CEP72: variants seen among roughly 807,000 people sequenced by gnomAD.
CEP72 encodes centrosomal protein of 72 kDa.
Under a neutral mutation model 65.7 loss-of-function variants are expected in CEP72, and 78 were observed. That is an observed-to-expected ratio of 1.19 (90% confidence interval 0.99 to 1.43). The LOEUF (loss-of-function observed/expected upper bound fraction) is 1.43, where lower values mean the gene tolerates loss of function less well. CEP72 is among the 40% of genes most tolerant of loss of function. The probability of loss-of-function intolerance (pLI) is 0.00; values close to 1 mark genes in which losing one functional copy is unlikely to be tolerated. For missense variants in CEP72, 914 were observed against 832.9 expected (o/e 1.10, Z -1.20); for synonymous variants, 358 against 351.7 (o/e 1.02, Z -0.20).
chr5:640,414 C>A lies in CEP72; in HGVS notation c.1349C>A (p.Ala450Glu), dbSNP rs746014281. Residue 450 changes from alanine to glutamate, a missense_variant, in exon 9 of 12, where the codon GCA becomes GAA. Transcript: ENST00000264935. ...ATTTGGTTTTCACTCCTAGCTCAGG[C>A]AAGACACATCTTGTCATCTGTTGAA... ...LHSNEAFLAQ[A>E]RHILSSVEEF... 2.5e-6 allele frequency: 4 copies of A among 1,613,222 alleles called. No individual in the cohort carries two copies.
intron 4 of CEP72, among the ~76,000 whole-genome samples, chr5:633,563 A>C (rs935362357): frequency 6.6e-6 from 1 of 152,158 alleles, no homozygotes; most frequent in African/African-American, 2.4e-5. Flanking sequence ...TCATGTTATC[A>C]CGTAACCTGG....
At chr5:674,600 A>ACTG in the CEP72 span, among the ~76,000 whole-genome samples, 1 of 152,082 alleles carries the variant, frequency 6.6e-6, no homozygotes, top group East Asian at 1.9e-4. Flanking sequence ...AGCCCAGGTC[A>ACTG]CTGCTGCCTG....
chr5:673,432 T>C, the CEP72 span, among the ~76,000 whole-genome samples: 3,707 of 151,480 alleles, frequency 0.024, 158 homozygotes, highest in African/African-American at 0.085. Flanking sequence ...GGGGCCAGGG[T>C]CACAGGGGTC....
In CEP72 at chr5:632,953, C is replaced by T. The variant is rs550796653; in HGVS notation, c.513-816C>T. Among the ~76,000 whole-genome samples, 922 of 100,092 alleles carry T rather than the reference C, an allele frequency of 9.2e-3. 5 individuals are homozygous for T. Among genetic ancestry groups the T allele is most frequent in the Admixed American group, 0.013 (138 of 10,438 alleles). The allele number at this position is 100,092 out of a possible 152,430, so 65.7% of individuals were successfully genotyped here. A position where few individuals can be genotyped will look rare whatever the true frequency, so the allele number is the denominator to read the frequency against. On this transcript the variant is annotated intron_variant, in intron 4 of 11. Coordinates refer to ENST00000264935, the MANE Select transcript of CEP72 (RefSeq NM_018140.4). ...TGGACCAGTTCTGGTGGGGTTCTGT[C>T]CAGTGCCGGGATTTAGACCAGTCCT...
intron 5 of CEP72, 128 bp from the exon 6 acceptor site, chr5:635,244 C>T (rs1737506080): frequency 1.4e-6 from 1 of 693,892 alleles, no homozygotes; most frequent in African/African-American, 1.8e-5. Flanking sequence ...TTCAGTGTCA[C>T]CCAGCACGTG....
chr5:643,323 C>T, intron 9 of CEP72: 3 of 985,430 alleles, frequency 3.0e-6, no homozygotes, highest in Middle Eastern at 5.2e-4. Flanking sequence ...CGACCCAAAG[C>T]CCCGCGCGGA....
chr5:632,137 G>A (rs1737236065), intron 4 of CEP72, among the ~76,000 whole-genome samples: 1 of 65,476 alleles, frequency 1.5e-5, no homozygotes, highest in Non-Finnish European at 3.2e-5. Context: ...GTTCTGTCCA[G>A]CGCCGGGATT....
intron 4 of CEP72, among the ~76,000 whole-genome samples, chr5:633,524 G>T (rs1269466818): frequency 3.3e-5 from 5 of 152,214 alleles, no homozygotes; most frequent in African/African-American, 1.2e-4. Context: ...CCCAGTCCTG[G>T]TGGGGTTCTG....
chr5:616,122 C>G (rs973507662), intron 1 of CEP72, among the ~76,000 whole-genome samples: 2 of 152,116 alleles, frequency 1.3e-5, no homozygotes, highest in Non-Finnish European at 2.9e-5. Flanking sequence ...CTTCATTCCA[C>G]GATGCTCTAG....
At chr5:615,026 G>T (rs77850929) in intron 1 of CEP72, among the ~76,000 whole-genome samples, 3,962 of 140,020 alleles carry the variant, frequency 0.028, 66 homozygotes, top group African/African-American at 0.044. Context: ...GGATTTGTCT[G>T]TTTTTTTTTT....
At chr5:661,036 G>A (rs911177851), downstream of CEP72, 1 of 152,282 alleles carries the variant, frequency 6.6e-6, no homozygotes, top group Admixed American at 6.5e-5. Context: ...TTTTGGTAAC[G>A]CTAATTGTTA....
Position 624,543 on chromosome 5 carries a change from C to A in CEP72, c.476C>A (p.Ser159Tyr), listed in dbSNP as rs1357662836. ...LHFASEDSLD[S>Y]KESVPASLKE... Reference sequence around the variant, plus strand: ...TTTGCATCAGAGGACTCACTCGACTCCAAAGAGAGCGTCCCAGCTTCTTTG... The same window carrying A: ...TTTGCATCAGAGGACTCACTCGACTACAAAGAGAGCGTCCCAGCTTCTTTG... The change falls in exon 4 of 12, where the codon TCC becomes TAC. Residue 159 changes from serine to tyrosine, a missense_variant. Coordinates refer to ENST00000264935, the MANE Select transcript of CEP72 (RefSeq NM_018140.4). This position sits in a 1 kb window ranked among gnomAD's most constrained non-coding sequence, Gnocchi z 4.7. 56 of 1,613,894 alleles carry A rather than the reference C, an allele frequency of 3.5e-5. No homozygotes were observed. Among genetic ancestry groups the A allele is most frequent in the Non-Finnish European group, 4.7e-5 (55 of 1,179,754 alleles).
chr5:628,918 C>G lies in CEP72; in HGVS notation c.512+4339C>G, dbSNP rs139795467. Among the ~76,000 whole-genome samples the G allele has an allele frequency of 9.6e-3, 1,065 of 110,744 alleles. 74 individuals carry two copies. The highest frequency in any genetic ancestry group is 0.044 in the African/African-American group (916 of 20,742). 72.7% of individuals were successfully genotyped at this position (110,744 alleles called of 152,430 possible). A position where few individuals can be genotyped will look rare whatever the true frequency, so the allele number is the denominator to read the frequency against. ...CTGGGGAGTGGCCCCAGGACCCAGC[C>G]CCCTTCTTTGTGCAGCGTTCTGGAG... On this transcript the variant is annotated intron_variant, in intron 4 of 11. Transcript: ENST00000264935.
intron 4 of CEP72, among the ~76,000 whole-genome samples, chr5:632,756 A>G (rs59912400): frequency 1.8e-3 from 31 of 16,806 alleles, no homozygotes; most frequent in Admixed American, 2.9e-3. Flanking sequence ...GTGGGGTTCT[A>G]TCCAGTGCCG....
rs1293277147 is a variant in CEP72, at chr5:648,756, G to C, written c.1778+840G>C. Among the ~76,000 whole-genome samples, 239 of 119,406 alleles carry C rather than the reference G, an allele frequency of 2.0e-3. 4 individuals are homozygous for C. Among genetic ancestry groups the C allele is most frequent in the Non-Finnish European group, 2.7e-3 (156 of 58,566 alleles). 78.3% of individuals were successfully genotyped at this position (119,406 alleles called of 152,430 possible). On this transcript the variant is annotated intron_variant, in intron 11 of 11. Transcript: ENST00000264935. ...GAGGCATGACTGTGAGGTGTGGACT[G>C]TGAGGTGTGGACTGTGAGGTGTGAC...
At chr5:666,622 C>T (rs1474793350) in intron 4 of CEP72, among the ~76,000 whole-genome samples, 2 of 151,406 alleles carry the variant, frequency 1.3e-5, no homozygotes, top group Non-Finnish European at 2.9e-5. Context: ...GCCCTGGCTC[C>T]AAAACCCGCC....
At chr5:636,470 G>A (rs887313687) in intron 6 of CEP72, among the ~76,000 whole-genome samples, 2 of 152,206 alleles carry the variant, frequency 1.3e-5, no homozygotes, top group Non-Finnish European at 2.9e-5. Context: ...AGTGTCACGT[G>A]ATACCATGTG....
intron 4 of CEP72, among the ~76,000 whole-genome samples, chr5:632,218 T>C (rs374292812): frequency 1.8e-3 from 59 of 33,704 alleles, no homozygotes; most frequent in Admixed American, 2.8e-3. Flanking sequence ...CTGTCCAGTG[T>C]CGGGATTTGA....
intron 1 of CEP72, among the ~76,000 whole-genome samples, chr5:616,814 G>C (rs1285942369): frequency 2.0e-5 from 2 of 99,354 alleles, no homozygotes; most frequent in African/African-American, 5.9e-5. Flanking sequence ...GTGTGTGTGT[G>C]TATGTGTGTG....
Sources: allele counts gnomAD v4.1 joint callset (sites outside exome capture counted in the v4.1 genomes callset), GRCh38; gene constraint gnomAD v4.1.1; non-coding constraint Gnocchi (gnomAD v3.1); transcripts MANE v1.5; gene names NCBI Gene and HGNC (gene_info 2026-07-23, HGNC 2026-07-21).